The following MMS22L variants were observed in gnomAD, a reference collection of about 807,000 sequenced individuals.
MMS22L encodes MMS22 like, DNA repair protein, also known as protein MMS22-like.
MMS22L carries 74 observed loss-of-function variants against 159.1 expected under a neutral mutation model. The ratio of observed to expected loss-of-function variants is 0.47; its 90% CI spans 0.39 to 0.56. The LOEUF (loss-of-function observed/expected upper bound fraction) is 0.56, where lower values mean the gene tolerates loss of function less well. Ranked by LOEUF, MMS22L falls within the 20% of genes least tolerant of loss-of-function variation. The pLI is 0.00. For synonymous variants in MMS22L, 517 were observed against 506.9 expected (o/e 1.02, Z -0.27); for missense variants, 1,351 against 1,422.1 (o/e 0.95, Z 0.80).
intron 11 of MMS22L, among the ~76,000 whole-genome samples, chr6:97,240,158 C>CTACT (rs529043152): frequency 4.5e-4 from 69 of 152,292 alleles, no homozygotes; most frequent in Non-Finnish European, 9.0e-4. Flanking sequence ...CAACTACCTA[C>CTACT]TACTGCTCCC....
At chr6:97,248,312 A>T (rs1252609110) in intron 10 of MMS22L, among the ~76,000 whole-genome samples, 1 of 152,212 alleles carries the variant, frequency 6.6e-6, no homozygotes, top group Non-Finnish European at 1.5e-5. Context: ...TGATAGCTTC[A>T]CTGCAACCTC....
At position 97,254,575 on chromosome 6, in the gene MMS22L, A is replaced by G. The variant is rs748090100; in HGVS notation, c.1101T>C (p.His367=). The change falls in exon 10 of 25, where the codon CAT becomes CAC. Residue 367 remains histidine (H), a synonymous_variant. Transcript: ENST00000683635. ...GTCTTACCATTTCATCTGGTACTCC[A>G]TGGCGATCAAACTTGTAAAATGATG... ...HVASFYKFDR[H]GVPDEMRKVE... is the part of the protein sequence containing the mutation. 3 of 1,613,306 alleles carry G rather than the reference A, an allele frequency of 1.9e-6. No individual in the cohort carries two copies. The African/African-American group carries it at 4.0e-5, about 22-fold the overall frequency.
chr6:97,276,930 T>C (rs763196451), intron 4 of MMS22L, among the ~76,000 whole-genome samples: 5 of 152,224 alleles, frequency 3.3e-5, no homozygotes, highest in Admixed American at 6.5e-5. Flanking sequence ...TTTTTCCTCT[T>C]TGATTCGTCA....
At chr6:97,255,432 G>A (rs1488779406) in intron 9 of MMS22L, among the ~76,000 whole-genome samples, 1 of 151,888 alleles carries the variant, frequency 6.6e-6, no homozygotes, top group Non-Finnish European at 1.5e-5. Flanking sequence ...ATCAATTTGA[G>A]GAACCAACTT....
At chr6:97,195,836 T>C (rs187727609) in intron 14 of MMS22L, among the ~76,000 whole-genome samples, 1 of 152,154 alleles carries the variant, frequency 6.6e-6, no homozygotes, top group East Asian at 1.9e-4. Context: ...TCTGTAAACA[T>C]CCAGGTAAGA....
chr6:97,270,411 A>G, intron 6 of MMS22L: 1 of 386,204 alleles, frequency 2.6e-6, no homozygotes, highest in Non-Finnish European at 5.0e-6. Context: ...AAAGAACTTT[A>G]GACTGTCATG....
At chr6:97,207,670 T>C (rs1433996766) in intron 14 of MMS22L, among the ~76,000 whole-genome samples, 1 of 152,110 alleles carries the variant, frequency 6.6e-6, no homozygotes, top group East Asian at 1.9e-4. Flanking sequence ...TAAGGCTTAA[T>C]TAACCCTGTT....
At chr6:97,250,891 C>A (rs1480741448) in intron 10 of MMS22L, among the ~76,000 whole-genome samples, 1 of 152,104 alleles carries the variant, frequency 6.6e-6, no homozygotes, top group African/African-American at 2.4e-5. Flanking sequence ...CTCCAGATTA[C>A]TTGTTAGTAG....
intron 9 of MMS22L, chr6:97,259,368 G>A (rs1054833250): frequency 6.6e-6 from 1 of 152,174 alleles, no homozygotes; most frequent in Admixed American, 6.6e-5. Context: ...TTCTCGTTGA[G>A]AGTTACATTT....
intron 14 of MMS22L, among the ~76,000 whole-genome samples, chr6:97,217,255 A>AT (rs1459978080): frequency 1.3e-5 from 2 of 151,846 alleles, no homozygotes; most frequent in African/African-American, 4.8e-5. Context: ...TTATTTATTT[A>AT]TTTTTTTGAG....
chr6:97,282,772 C>G (rs1816882794), intron 1 of MMS22L, among the ~76,000 whole-genome samples: 1 of 152,194 alleles, frequency 6.6e-6, no homozygotes, highest in South Asian at 2.1e-4. Context: ...AAGTCGGGCT[C>G]TGCAGCCCAG....
chr6:97,209,313 A>G (rs1339284827), intron 14 of MMS22L, among the ~76,000 whole-genome samples: 1 of 152,056 alleles, frequency 6.6e-6, no homozygotes, highest in Non-Finnish European at 1.5e-5. Flanking sequence ...ATAGCACTCA[A>G]AAGCGTTACT....
intron 4 of MMS22L, among the ~76,000 whole-genome samples, chr6:97,274,402 T>C (rs1438403941): frequency 6.6e-6 from 1 of 152,170 alleles, no homozygotes; most frequent in African/African-American, 2.4e-5. Context: ...CTCTTAAAAA[T>C]AACTGCAGTG....
chr6:97,244,731 A>G (rs1812447704), intron 11 of MMS22L, among the ~76,000 whole-genome samples: 2 of 152,138 alleles, frequency 1.3e-5, no homozygotes, highest in African/African-American at 2.4e-5. Flanking sequence ...CCTTGTGATC[A>G]TGTGAGTTAA....
chr6:97,260,910 T>A (rs1814399692), intron 9 of MMS22L: 1 of 152,056 alleles, frequency 6.6e-6, no homozygotes, highest in Admixed American at 6.6e-5. Flanking sequence ...CTTTTTTTGG[T>A]GGTGGTGTTT....
intron 10 of MMS22L, among the ~76,000 whole-genome samples, chr6:97,252,654 A>G (rs1813366464): frequency 6.6e-6 from 1 of 152,068 alleles, no homozygotes; most frequent in African/African-American, 2.4e-5. Flanking sequence ...CAAAAAAAAA[A>G]AAAAAAAGTA....
intron 15 of MMS22L, among the ~76,000 whole-genome samples, chr6:97,184,679 C>T (rs1244949206): frequency 2.0e-5 from 3 of 152,070 alleles, no homozygotes; most frequent in East Asian, 1.9e-4. Context: ...AGATGGGAAA[C>T]CTGACCACTT....
At position 97,145,781 on chromosome 6, in the gene MMS22L, T is replaced by C. The variant is rs1248926601; in HGVS notation, c.*1025A>G. On this transcript the variant is annotated 3_prime_UTR_variant, in exon 25 of 25. Transcript: ENST00000683635. ...TCAAGATCATAAAGCAAAGCTGAGT[T>C]TGAGACCCAGGTGGGTTCCCAAAAC... 6.6e-6 allele frequency: 1 copy of C among 152,074 alleles called. No homozygotes were observed. Among genetic ancestry groups the C allele is most frequent in the Non-Finnish European group, 1.5e-5 (1 of 67,982 alleles). 9.4% of individuals were successfully genotyped at this position (152,074 alleles called of 1,614,324 possible).
intron 10 of MMS22L, among the ~76,000 whole-genome samples, chr6:97,249,394 C>G (rs1813003890): frequency 6.6e-6 from 1 of 152,088 alleles, no homozygotes; most frequent in South Asian, 2.1e-4. Context: ...TCTGTGAGTC[C>G]TAACAAATTA....
Sources: gnomAD v4.1 joint callset for allele counts (sites outside exome capture counted in the v4.1 genomes callset) on GRCh38, gnomAD v4.1.1 for gene constraint, MANE v1.5 for transcripts, NCBI Gene and HGNC (gene_info 2026-07-23, HGNC 2026-07-21) for gene names.